The following NKAIN3 variants were observed in gnomAD, a reference collection of about 807,000 sequenced individuals.
The protein encoded by NKAIN3 is sodium/potassium-transporting ATPase subunit beta-1-interacting protein 3.
NKAIN3 carries 25 observed loss-of-function variants against 30.2 expected under a neutral mutation model. The ratio of observed to expected loss-of-function variants is 0.83; its 90% confidence interval spans 0.60 to 1.16. NKAIN3 has a LOEUF of 1.16. NKAIN3 is among the 50% of genes most tolerant of loss of function. The pLI is 0.00. For missense variants in NKAIN3, 225 were observed against 254.1 expected (o/e 0.89, Z 0.78); for synonymous variants, 91 against 89.6 (o/e 1.02, Z -0.09).
intron 1 of NKAIN3, among the ~76,000 whole-genome samples, chr8:62,431,482 G>T (rs570700092): frequency 1.3e-5 from 2 of 151,854 alleles, no homozygotes; most frequent in South Asian, 4.1e-4. Flanking sequence ...TTTGACTAAG[G>T]TATATGACCG....
intron 3 of NKAIN3, among the ~76,000 whole-genome samples, chr8:62,616,339 A>C (rs1811453188): frequency 6.6e-6 from 1 of 152,062 alleles, no homozygotes; most frequent in African/African-American, 2.4e-5. Context: ...CCAACTAAAA[A>C]TTCAGGGGTT....
In NKAIN3 at chr8:62,531,668, C is replaced by T. The variant is rs560861304; in HGVS notation, c.55-47871C>T. Reference sequence around the variant, plus strand: ...TCTGGTGCAGAGTAGATGGTGCATACATTTTTTCTGACTAAAACCATGAAG... The same window carrying T: ...TCTGGTGCAGAGTAGATGGTGCATATATTTTTTCTGACTAAAACCATGAAG... On this transcript the variant is annotated intron_variant, in intron 1 of 6. Coordinates refer to ENST00000623646, the MANE Select transcript of NKAIN3 (RefSeq NM_001304533.3). 6.6e-5 allele frequency among the ~76,000 whole-genome samples: 10 copies of T among 152,282 alleles called. No homozygotes were observed. The East Asian group carries it at 1.9e-3, about 29-fold the overall frequency.
intron 1 of NKAIN3, among the ~76,000 whole-genome samples, chr8:62,369,762 G>GT (rs941571134): frequency 1.3e-3 from 185 of 144,872 alleles, no homozygotes; most frequent in South Asian, 2.2e-3. Context: ...CAAGTCTGTT[G>GT]TTTTTTTTTT....
At chr8:62,619,941 C>T (rs894338202) in intron 3 of NKAIN3, among the ~76,000 whole-genome samples, 1 of 152,058 alleles carries the variant, frequency 6.6e-6, no homozygotes, top group African/African-American at 2.4e-5. Flanking sequence ...ATATCTTTTC[C>T]TTCTACTCAT....
intron 4 of NKAIN3, among the ~76,000 whole-genome samples, chr8:62,787,745 G>A (rs1161536147): frequency 6.6e-6 from 1 of 151,808 alleles, no homozygotes; most frequent in Non-Finnish European, 1.5e-5. Flanking sequence ...TGTTCTCATT[G>A]TTCAATTCCC....
chr8:62,416,199 C>A (rs912332876), intron 1 of NKAIN3, among the ~76,000 whole-genome samples: 1 of 152,178 alleles, frequency 6.6e-6, no homozygotes, highest in African/African-American at 2.4e-5. Context: ...TGCCTTCCAG[C>A]CGTCTACCAT....
At chr8:62,487,343 C>G (rs1036199512) in intron 1 of NKAIN3, among the ~76,000 whole-genome samples, 8 of 152,160 alleles carry the variant, frequency 5.3e-5, no homozygotes, top group Admixed American at 2.0e-4. Context: ...ATGAGGTTCA[C>G]TCACTGGATA....
intron 4 of NKAIN3, among the ~76,000 whole-genome samples, chr8:62,819,037 A>G (rs1294085792): frequency 6.6e-6 from 1 of 151,606 alleles, no homozygotes; most frequent in Admixed American, 6.6e-5. Flanking sequence ...AACAAATTGG[A>G]TGGATAGTAA....
intron 6 of NKAIN3, among the ~76,000 whole-genome samples, chr8:62,961,123 A>T (rs1823559392): frequency 6.6e-6 from 1 of 152,126 alleles, no homozygotes; most frequent in Non-Finnish European, 1.5e-5. Flanking sequence ...CCACCAAAAA[A>T]TAAAAAAATT....
intron 4 of NKAIN3, among the ~76,000 whole-genome samples, chr8:62,837,416 A>G (rs1819399249): frequency 6.6e-6 from 1 of 152,202 alleles, no homozygotes; most frequent in Non-Finnish European, 1.5e-5. Flanking sequence ...GGAAACACAA[A>G]GAATTATTTT....
intron 1 of NKAIN3, among the ~76,000 whole-genome samples, chr8:62,436,892 G>A (rs1805189670): frequency 6.6e-6 from 1 of 152,100 alleles, no homozygotes; most frequent in South Asian, 2.1e-4. Context: ...AACTGTAACT[G>A]TAATGTGCGG....
chr8:62,996,431 A>G (rs954963082), intron 5 of NKAIN3, among the ~76,000 whole-genome samples: 21 of 152,234 alleles, frequency 1.4e-4, no homozygotes, highest in African/African-American at 5.1e-4. Context: ...TTACAATTCA[A>G]GAAGAGATTT....
chr8:62,928,986 A>C (rs962072257), intron 5 of NKAIN3, among the ~76,000 whole-genome samples: 1 of 152,200 alleles, frequency 6.6e-6, no homozygotes, highest in African/African-American at 2.4e-5. Context: ...GCATTCAGCA[A>C]ACAGAAGTGC....
chr8:62,720,340 A>G (rs1815048474), intron 3 of NKAIN3, among the ~76,000 whole-genome samples: 1 of 152,196 alleles, frequency 6.6e-6, no homozygotes, highest in Admixed American at 6.5e-5. Context: ...TAATAAATAA[A>G]TATGCATTGT....
Position 62,416,300 on chromosome 8 carries a change from T to C in NKAIN3, c.55-163239T>C, listed in dbSNP as rs191665014. Among the ~76,000 whole-genome samples, 364 of 152,316 alleles carry C rather than the reference T, an allele frequency of 2.4e-3. 2 individuals are homozygous for C. The highest frequency in any genetic ancestry group is 8.5e-3 in the African/African-American group (353 of 41,576). ...AATGGCATTTTAGTTTCTTATAGTT[T>C]TGTGAGGGTGAAGAAGCCCTAGATG... On this transcript the variant is annotated intron_variant, in intron 1 of 6. Transcript: ENST00000623646.
intron 1 of NKAIN3, among the ~76,000 whole-genome samples, chr8:62,572,476 G>A (rs111285786): frequency 2.6e-4 from 39 of 152,204 alleles, no homozygotes; most frequent in African/African-American, 7.0e-4. Flanking sequence ...TTTCAAAGTC[G>A]CTTCCACATG....
chr8:62,933,131 C>T lies in NKAIN3; in HGVS notation c.532+14618C>T, dbSNP rs549589281. ...ATGTGGAGCAGTGAATGGATTTAAT[C>T]TTGGGAATATGATCAAATTCAGTTT... On this transcript the variant is annotated intron_variant, in intron 5 of 6. Transcript: ENST00000623646. 4.4e-4 allele frequency among the ~76,000 whole-genome samples: 67 copies of T among 152,130 alleles called. No individual in the cohort carries two copies. The South Asian group carries it at 5.6e-3, about 13-fold the overall frequency.
intron 5 of NKAIN3, among the ~76,000 whole-genome samples, chr8:62,924,372 G>A (rs1355621775): frequency 1.3e-5 from 2 of 152,058 alleles, no homozygotes; most frequent in African/African-American, 4.8e-5. Flanking sequence ...TAACACAACT[G>A]TAATTTTTTA....
intron 3 of NKAIN3, among the ~76,000 whole-genome samples, chr8:62,705,484 C>T (rs941387950): frequency 3.9e-5 from 6 of 152,262 alleles, no homozygotes; most frequent in South Asian, 4.1e-4. Flanking sequence ...AGCCAGTCCT[C>T]TCTGGAAATT....
Sources: allele counts gnomAD v4.1 joint callset (sites outside exome capture counted in the v4.1 genomes callset), GRCh38; gene constraint gnomAD v4.1.1; transcripts MANE v1.5; gene names NCBI Gene and HGNC (gene_info 2026-07-23, HGNC 2026-07-21).